The following CAPN14 variants were observed in gnomAD, a reference collection of about 807,000 sequenced individuals.
CAPN14 encodes calpain-14.
A neutral mutation model predicts 101.3 loss-of-function variants in CAPN14; 94 were observed. The ratio of observed to expected loss-of-function variants is 0.93; its 90% CI spans 0.79 to 1.10. The LOEUF (loss-of-function observed/expected upper bound fraction) is 1.10. CAPN14 is among the 50% of genes least tolerant of loss of function. The pLI is 0.00. For missense variants in CAPN14, 837 were observed against 828.4 expected, an observed-to-expected ratio of 1.01 and a Z score of -0.13; for synonymous variants, 338 against 317.9, an observed-to-expected ratio of 1.06 and a Z score of -0.67.
chr2:31,232,828 CT>C (rs2148712835), intron 1 of CAPN14, among the ~76,000 whole-genome samples: 1 of 152,310 alleles, frequency 6.6e-6, no homozygotes, highest in African/African-American at 2.4e-5. Flanking sequence ...TCTTTTGCCC[CT>C]CCAACACTGC....
intron 1 of CAPN14, among the ~76,000 whole-genome samples, chr2:31,207,142 T>C (rs1572427355): frequency 6.6e-6 from 1 of 152,192 alleles, no homozygotes; most frequent in East Asian, 1.9e-4. Flanking sequence ...AACTCGCAAA[T>C]GTGCTTATAC....
At chr2:31,222,493 G>A (rs550096707), upstream of CAPN14, among the ~76,000 whole-genome samples, 4 of 152,288 alleles carry the variant, frequency 2.6e-5, no homozygotes, top group East Asian at 7.7e-4. Flanking sequence ...TCACCTCTAA[G>A]AGCCTCAGTG....
chr2:31,212,918 C>G (rs1456691599), intron 1 of CAPN14, among the ~76,000 whole-genome samples: 1 of 152,242 alleles, frequency 6.6e-6, no homozygotes, highest in Non-Finnish European at 1.5e-5. Context: ...CCACAACCCA[C>G]TAAGTTGTCT....
intron 1 of CAPN14, among the ~76,000 whole-genome samples, chr2:31,217,242 G>C (rs957948629): frequency 6.6e-6 from 1 of 152,134 alleles, no homozygotes; most frequent in East Asian, 1.9e-4. Flanking sequence ...AAGGGCTGAA[G>C]TCTATTCCTC....
Position 31,181,510 on chromosome 2 carries a change from C to CTT in CAPN14, c.1646-512_1646-511dup, listed in dbSNP as rs11409068. ...CTCTCTCTCTTTCCTTTCTTTCTTT[C>CTT]TTTTTTTTATTTTTTTATTTTATTA... is the stretch of plus-strand genomic sequence containing the variant. On this transcript the variant is annotated intron_variant, in intron 16 of 21. Transcript: ENST00000403897. Among the ~76,000 whole-genome samples the CTT allele has an allele frequency of 1.3e-3, 162 of 120,772 alleles. 3 individuals are homozygous for CTT. Among genetic ancestry groups the CTT allele is most frequent in the African/African-American group, 4.4e-3 (155 of 34,854 alleles). 79.2% of individuals were successfully genotyped at this position (120,772 alleles called of 152,430 possible).
In CAPN14 at chr2:31,199,513, C is replaced by G. The variant is rs532000694; in HGVS notation, c.746G>C (p.Gly249Ala). 6.4e-7 allele frequency: 1 copy of G among 1,551,566 alleles called. No homozygotes were observed. Among genetic ancestry groups the G allele is most frequent in the East Asian group, 2.4e-5 (1 of 40,914 alleles). The change falls in exon 7 of 22, where the codon GGG becomes GCG. Residue 249 changes from glycine (G) to alanine (A), a missense_variant. Gly to Ala is a moderately conservative substitution (Grantham distance 60). Coordinates refer to ENST00000403897, the MANE Select transcript of CAPN14 (RefSeq NM_001145122.2). ...THSGEKILEN[G>A]LVEGHAYTLT... ...AGTATAGGCATGGCCTTCCACCAGCCCATTCTCCAGAATCTTCTCCTGCAG... is the reference window on the plus strand; with the variant it reads ...AGTATAGGCATGGCCTTCCACCAGCGCATTCTCCAGAATCTTCTCCTGCAG...
At chr2:31,176,527 TC>T in intron 21 of CAPN14, 59 bp downstream of exon 21, 1 of 1,347,962 alleles carries the variant, frequency 7.4e-7, no homozygotes, top group South Asian at 1.3e-5. Context: ...AAGAGCATGG[TC>T]CCGCAAGGGC....
chr2:31,213,665 G>A (rs141104311), intron 1 of CAPN14, among the ~76,000 whole-genome samples: 150 of 152,278 alleles, frequency 9.9e-4, no homozygotes, highest in African/African-American at 3.0e-3. Flanking sequence ...TAATTGATTC[G>A]TTGACTTTTT....
intron 1 of CAPN14, among the ~76,000 whole-genome samples, chr2:31,206,117 C>T (rs936792124): frequency 6.6e-6 from 1 of 151,294 alleles, no homozygotes. Flanking sequence ...AATGCAACCC[C>T]TGGCTTCCAG....
intron 1 of CAPN14, among the ~76,000 whole-genome samples, chr2:31,210,235 A>C (rs1662824559): frequency 6.6e-6 from 1 of 152,078 alleles, no homozygotes; most frequent in Admixed American, 6.5e-5. Context: ...CGAGGTCAAG[A>C]GATCAAGACC....
At chr2:31,227,844 A>C (rs1439978930) in intron 1 of CAPN14, among the ~76,000 whole-genome samples, 2 of 152,252 alleles carry the variant, frequency 1.3e-5, no homozygotes, top group African/African-American at 4.8e-5. Flanking sequence ...ATGTAATTAT[A>C]GTAACATGTG....
At chr2:31,186,340 C>T (rs1020871981) in intron 16 of CAPN14, 88 bp downstream of exon 16, 4 of 888,290 alleles carry the variant, frequency 4.5e-6, no homozygotes, top group Non-Finnish European at 6.8e-6. Context: ...GTAATTCACA[C>T]ATCCCACCAA....
rs1280408566 is a variant in CAPN14 at position 31,205,492 on chromosome 2, T to C, written c.-45A>G. The C allele has an allele frequency of 1.4e-6, 2 of 1,446,380 alleles. No homozygotes were observed. Among genetic ancestry groups the C allele is most frequent in the Non-Finnish European group, 1.9e-6 (2 of 1,051,924 alleles). The allele number at this position is 1,446,380 out of a possible 1,614,324, so 89.6% of individuals were successfully genotyped here. The stretch of plus-strand genomic sequence containing the variant: ...CCAGTGAGTCTTCCTGAGGAGTCTC[T>C]GCTGCTCCTGAAATGGAGAGAGGAC... On this transcript the variant is annotated 5_prime_UTR_variant, in exon 2 of 22. Coordinates refer to ENST00000403897, the MANE Select transcript of CAPN14 (RefSeq NM_001145122.2).
In CAPN14 at chr2:31,233,238, C is replaced by A. The variant is rs952616393; in HGVS notation, c.-177+553G>T. On this transcript the variant is annotated intron_variant and NMD_transcript_variant, in intron 1 of 21. Transcript: ENST00000398824. The stretch of plus-strand genomic sequence containing the variant: ...CCCATCTCTGGCAAAGCCTTTCATG[C>A]TTGGCCTCCCTCACTCTCTTTCACC... Among the ~76,000 whole-genome samples, 3 of 152,178 alleles carry A rather than the reference C, an allele frequency of 2.0e-5. No homozygotes were observed. In the East Asian group the frequency reaches 5.8e-4, roughly 29 times the overall value.
At chr2:31,202,628 G>A (rs563237845) in intron 3 of CAPN14, among the ~76,000 whole-genome samples, 88 of 152,228 alleles carry the variant, frequency 5.8e-4, no homozygotes, top group South Asian at 4.0e-3. Context: ...TTCCCTGTCT[G>A]TGAAATGGGT....
intron 7 of CAPN14, among the ~76,000 whole-genome samples, chr2:31,198,088 T>C (rs1183341906): frequency 1.3e-5 from 2 of 152,194 alleles, no homozygotes; most frequent in Non-Finnish European, 2.9e-5. Context: ...AAGGGAAAAG[T>C]CAAGTTGGGA....
chr2:31,223,258 T>C (rs894699139), intron 2 of CAPN14, among the ~76,000 whole-genome samples: 6 of 152,240 alleles, frequency 3.9e-5, no homozygotes, highest in East Asian at 1.9e-4. Flanking sequence ...AAGTGGGCAA[T>C]ACCACGGTAC....
intron 14 of CAPN14, 125 bp downstream of exon 14, chr2:31,188,193 C>A: frequency 1.2e-6 from 1 of 835,606 alleles, no homozygotes; most frequent in Non-Finnish European, 2.0e-6. Context: ...GTAATGTTTG[C>A]CATAGAACAG....
At chr2:31,198,406 C>T (rs555946015) in intron 7 of CAPN14, among the ~76,000 whole-genome samples, 22 of 152,320 alleles carry the variant, frequency 1.4e-4, no homozygotes, top group African/African-American at 5.1e-4. Flanking sequence ...GACTGTGTTA[C>T]AGGCGCACAT....
Sources: gnomAD v4.1 joint callset for allele counts (sites outside exome capture counted in the v4.1 genomes callset) on GRCh38, gnomAD v4.1.1 for gene constraint, MANE v1.5 for transcripts, NCBI Gene and HGNC (gene_info 2026-07-23, HGNC 2026-07-21) for gene names.